The following BCHE variants were observed in gnomAD, a reference collection of about 807,000 sequenced individuals.
BCHE encodes butyrylcholinesterase.
A neutral mutation model predicts 51.3 loss-of-function variants in BCHE; 48 were observed. The ratio of observed to expected loss-of-function variants is 0.94; its 90% confidence interval spans 0.74 to 1.19. The LOEUF is 1.19. Ranked by LOEUF, BCHE falls within the 50% of genes most tolerant of loss-of-function variation. BCHE has a pLI of 0.00. For missense variants in BCHE, 847 were observed against 708.2 expected (o/e 1.20, Z -2.23); for synonymous variants, 251 against 238.0 (o/e 1.05, Z -0.50).
chr3:165,811,317 G>T (rs1328709607), intron 2 of BCHE, among the ~76,000 whole-genome samples: 1 of 151,960 alleles, frequency 6.6e-6, no homozygotes, highest in Non-Finnish European at 1.5e-5. Context: ...TCTTCTATCT[G>T]AATTTACATT....
intron 2 of BCHE, among the ~76,000 whole-genome samples, chr3:165,796,785 T>A (rs1306291772): frequency 6.6e-6 from 1 of 152,152 alleles, no homozygotes. Flanking sequence ...AACAAATTGG[T>A]TTCCAGTGCA....
intron 2 of BCHE, among the ~76,000 whole-genome samples, chr3:165,796,288 G>C (rs1029519485): frequency 6.6e-6 from 1 of 152,146 alleles, no homozygotes; most frequent in African/African-American, 2.4e-5. Context: ...TGTTATCAAA[G>C]TGGATGCCTC....
Position 165,830,370 on chromosome 3 carries a change from G to C in BCHE, c.664C>G (p.Leu222Val). ...GCTGCTCCTGCACTTTCTCCAAAGA[G>C]AGTTACACTTTTAGGATTTCCACCA... Reference protein sequence around the residue: ...AFGGNPKSVTLFGESAGAASV... With the variant: ...AFGGNPKSVTVFGESAGAASV... The change falls in exon 2 of 4, where the codon CTC becomes GTC. Residue 222 changes from leucine (L) to valine (V), a missense_variant. Coordinates refer to ENST00000264381, the MANE Select transcript of BCHE (RefSeq NM_000055.4). 4 of 1,613,976 alleles carry C rather than the reference G, an allele frequency of 2.5e-6. No individual in the cohort carries two copies. The highest frequency in any genetic ancestry group is 3.4e-6 in the Non-Finnish European group (4 of 1,179,930).
In BCHE at chr3:165,829,783, C is replaced by G; in HGVS notation, c.1251G>C (p.Leu417Phe). 1.2e-6 allele frequency: 2 copies of G among 1,613,772 alleles called. No individual in the cohort carries two copies. Among genetic ancestry groups the G allele is most frequent in the East Asian group, 2.2e-5 (1 of 44,880 alleles). The change falls in exon 2 of 4, where the codon TTG (leucine) becomes TTC (phenylalanine). Residue 417 changes from leucine to phenylalanine, a missense_variant. Coordinates refer to ENST00000264381, the MANE Select transcript of BCHE (RefSeq NM_000055.4). ...DQRPENYREA[L>F]GDVVGDYNFI... Reference sequence around the variant, plus strand: ...AATTATAATCCCCAACAACATCACCCAAGGCCTCACGGTAGTTTTCAGGTC... The same window carrying G: ...AATTATAATCCCCAACAACATCACCGAAGGCCTCACGGTAGTTTTCAGGTC...
chr3:165,816,156 G>A (rs1331860167), intron 2 of BCHE, among the ~76,000 whole-genome samples: 1 of 151,542 alleles, frequency 6.6e-6, no homozygotes, highest in African/African-American at 2.4e-5. Flanking sequence ...TATCTAGGAT[G>A]TTGTCTGTTT....
intron 2 of BCHE, among the ~76,000 whole-genome samples, chr3:165,820,421 G>A (rs1714471992): frequency 6.6e-6 from 1 of 151,900 alleles, no homozygotes. Flanking sequence ...GAATACTACA[G>A]TTGGCATTTT....
intron 3 of BCHE, among the ~76,000 whole-genome samples, chr3:165,785,152 T>C (rs1422590537): frequency 6.6e-6 from 1 of 151,834 alleles, no homozygotes; most frequent in Non-Finnish European, 1.5e-5. Context: ...GATGCCCATA[T>C]TTGCTGAAAC....
intron 3 of BCHE, among the ~76,000 whole-genome samples, chr3:165,782,943 A>C (rs1712765145): frequency 6.6e-6 from 1 of 152,044 alleles, no homozygotes; most frequent in Non-Finnish European, 1.5e-5. Context: ...TCACCTTCTA[A>C]TACCAGCACC....
At chr3:165,797,664 C>G (rs540251660) in intron 2 of BCHE, among the ~76,000 whole-genome samples, 1 of 151,974 alleles carries the variant, frequency 6.6e-6, no homozygotes, top group Non-Finnish European at 1.5e-5. Flanking sequence ...AAACTTGAAA[C>G]AAATTGGCTT....
At chr3:165,812,609 A>G (rs1025091679) in intron 2 of BCHE, among the ~76,000 whole-genome samples, 1 of 151,974 alleles carries the variant, frequency 6.6e-6, no homozygotes, top group Non-Finnish European at 1.5e-5. Flanking sequence ...CTACTGTAGA[A>G]CAATAGAAAA....
chr3:165,792,639 G>A (rs1713214327), intron 2 of BCHE, among the ~76,000 whole-genome samples: 1 of 152,016 alleles, frequency 6.6e-6, no homozygotes, highest in African/African-American at 2.4e-5. Context: ...AATTATTTTG[G>A]TCAAAGGTTT....
chr3:165,812,847 T>C (rs73028230), intron 2 of BCHE, among the ~76,000 whole-genome samples: 1 of 151,900 alleles, frequency 6.6e-6, no homozygotes, highest in Non-Finnish European at 1.5e-5. Context: ...GATATGAAAG[T>C]ATAGTCTGGT....
At chr3:165,803,644 G>A (rs1560012287) in intron 2 of BCHE, among the ~76,000 whole-genome samples, 1 of 152,122 alleles carries the variant, frequency 6.6e-6, no homozygotes, top group Non-Finnish European at 1.5e-5. Context: ...TAAAGGTCAA[G>A]TTGACAGAAT....
At chr3:165,814,149 T>C (rs1714212124) in intron 2 of BCHE, among the ~76,000 whole-genome samples, 1 of 152,104 alleles carries the variant, frequency 6.6e-6, no homozygotes, top group Non-Finnish European at 1.5e-5. Flanking sequence ...ATAAATAATT[T>C]GCACATGAAA....
chr3:165,777,779 T>G (rs766460461), intron 3 of BCHE: 22 of 452,482 alleles, frequency 4.9e-5, no homozygotes, highest in South Asian at 2.6e-4. Flanking sequence ...CCTTTTCCCC[T>G]CCTCCTACTC....
rs1230422594 is a variant in BCHE at position 165,773,526 on chromosome 3, T to C, written c.1685-20A>G. The C allele has an allele frequency of 7.5e-6, 12 of 1,594,800 alleles. No homozygotes were observed. The highest frequency in any genetic ancestry group is 1.0e-5 in the Non-Finnish European group (12 of 1,165,004). The stretch of plus-strand genomic sequence containing the variant: ...TATTTCCTGTAAAATATGGAATAAG[T>C]TGTATTAATCAAAATTTTTATCTGT... On this transcript the variant is annotated intron_variant, in intron 3 of 3. Coordinates refer to ENST00000264381, the MANE Select transcript of BCHE (RefSeq NM_000055.4).
At chr3:165,815,851 T>C (rs1714294722) in intron 2 of BCHE, among the ~76,000 whole-genome samples, 1 of 152,072 alleles carries the variant, frequency 6.6e-6, no homozygotes, top group African/African-American at 2.4e-5. Context: ...TGTTTTGTGG[T>C]CTAGGGTCAA....
chr3:165,821,232 T>C (rs565574891), intron 2 of BCHE, among the ~76,000 whole-genome samples: 2 of 151,824 alleles, frequency 1.3e-5, no homozygotes, highest in Non-Finnish European at 2.9e-5. Flanking sequence ...AGTTGAAAAA[T>C]ATAACAAAAA....
intron 3 of BCHE, among the ~76,000 whole-genome samples, chr3:165,782,094 T>C (rs1712727489): frequency 6.6e-6 from 1 of 152,106 alleles, no homozygotes; most frequent in South Asian, 2.1e-4. Flanking sequence ...AGAGGCTCTC[T>C]ACATAAACAT....
Sources: allele counts gnomAD v4.1 joint callset (sites outside exome capture counted in the v4.1 genomes callset), GRCh38; gene constraint gnomAD v4.1.1; transcripts MANE v1.5; gene names NCBI Gene and HGNC (gene_info 2026-07-23, HGNC 2026-07-21).